The following SNX2 variants were observed in gnomAD, a reference collection of about 807,000 sequenced individuals.
SNX2 encodes sorting nexin 2, also known as sorting nexin-2.
SNX2 carries 25 observed loss-of-function variants against 69.9 expected under a neutral mutation model. The observed-to-expected ratio is 0.36, with a 90% CI of 0.26 to 0.50. The LOEUF is 0.50. Among genes scored for constraint, SNX2 ranks in the 20% least tolerant of loss-of-function variants. SNX2 has a pLI of 0.97. For synonymous variants in SNX2, 229 were observed against 200.4 expected, an observed-to-expected ratio of 1.14 and a Z score of -1.20; for missense variants, 551 against 613.3, an observed-to-expected ratio of 0.90 and a Z score of 1.07.
At chr5:122,807,499 G>C (rs564485664) in intron 6 of SNX2, among the ~76,000 whole-genome samples, 3 of 152,278 alleles carry the variant, frequency 2.0e-5, no homozygotes, top group African/African-American at 4.8e-5. Context: ...TCATGCAGTA[G>C]ATGATTTTTT....
At chr5:122,782,557 A>G (rs1753001255) in intron 1 of SNX2, among the ~76,000 whole-genome samples, 1 of 150,354 alleles carries the variant, frequency 6.7e-6, no homozygotes, top group Non-Finnish European at 1.5e-5. Context: ...TTTATTTGAG[A>G]TGGAGTCTCA....
chr5:122,799,845 C>G lies in SNX2; in HGVS notation c.380C>G (p.Ser127Cys). 3 of 1,609,616 alleles carry G rather than the reference C, an allele frequency of 1.9e-6. No homozygotes were observed. The highest frequency in any genetic ancestry group is 1.7e-6 in the Non-Finnish European group (2 of 1,177,482). The change falls in exon 3 of 15, where the codon TCC (serine) becomes TGC (cysteine). Residue 127 changes from serine to cysteine, a missense_variant. Around this residue, in one of 2 missense-constraint regions of SNX2, gnomAD observed 191 missense variants for 162.9 expected, o/e 1.17. Coordinates refer to ENST00000379516, the MANE Select transcript of SNX2 (RefSeq NM_003100.4). ...TCTGCTCCCGTGATCTTTGATAGATCCAGGGAAGAGGTACAGGAAAATGTA... is the reference window on the plus strand; with the variant it reads ...TCTGCTCCCGTGATCTTTGATAGATGCAGGGAAGAGGTACAGGAAAATGTA... ...SMSAPVIFDR[S>C]REEIEEEANG...
intron 1 of SNX2, among the ~76,000 whole-genome samples, chr5:122,794,079 GGC>G (rs1753313319): frequency 6.6e-6 from 1 of 151,946 alleles, no homozygotes; most frequent in Non-Finnish European, 1.5e-5. Context: ...GGGAGGCTGA[GGC>G]GGGTGGATCA....
intron 6 of SNX2, among the ~76,000 whole-genome samples, chr5:122,804,962 C>T (rs575729882): frequency 8.6e-5 from 13 of 151,600 alleles, no homozygotes; most frequent in South Asian, 2.1e-4. Context: ...TTTTTTGAGA[C>T]GGAGTCTCGC....
At chr5:122,809,763 T>G (rs1753728642) in intron 7 of SNX2, among the ~76,000 whole-genome samples, 1 of 152,184 alleles carries the variant, frequency 6.6e-6, no homozygotes, top group Non-Finnish European at 1.5e-5. Context: ...TTGTTTAAAT[T>G]TCAAGAAAAA....
In SNX2 at chr5:122,830,744, C is replaced by T. The variant is rs1754267103; in HGVS notation, c.*1096C>T. Among the ~76,000 whole-genome samples, 1 of 152,030 alleles carries T rather than the reference C, an allele frequency of 6.6e-6. No homozygotes were observed. The highest frequency in any genetic ancestry group is 1.5e-5 in the Non-Finnish European group (1 of 68,008). On this transcript the variant is annotated 3_prime_UTR_variant, in exon 15 of 15. Coordinates refer to ENST00000379516, the MANE Select transcript of SNX2 (RefSeq NM_003100.4). ...TAAGTCATGGCTGGGTGTGGTGGCT[C>T]ACGCCTGTAATCCTAGCACTTTGGG...
intron 1 of SNX2, among the ~76,000 whole-genome samples, chr5:122,794,518 C>T (rs1384908358): frequency 6.6e-6 from 1 of 152,106 alleles, no homozygotes; most frequent in Non-Finnish European, 1.5e-5. Context: ...TGTTGAGTCA[C>T]GTGGAATTTT....
chr5:122,827,427 A>G lies in SNX2; in HGVS notation c.1405A>G (p.Lys469Glu). 3.7e-6 allele frequency: 6 copies of G among 1,613,506 alleles called. No homozygotes were observed. Among genetic ancestry groups the G allele is most frequent in the South Asian group, 1.1e-5 (1 of 91,046 alleles). Residue 469 changes from lysine to glutamate, a missense_variant, in exon 13 of 15, where the codon AAA (lysine) becomes GAA (glutamate). By Grantham distance (56) the Lys-to-Glu change is moderately conservative (BLOSUM62 1). Coordinates refer to ENST00000379516, the MANE Select transcript of SNX2 (RefSeq NM_003100.4). ...GGAAAGAGATTTTGAACAGATATCT[A>G]AAACGATTCGAAAAGAAGTGGGAAG... Reference protein sequence around the residue: ...QGERDFEQISKTIRKEVGRFE... With the variant: ...QGERDFEQISETIRKEVGRFE...
intron 7 of SNX2, among the ~76,000 whole-genome samples, chr5:122,809,937 G>T (rs1753731749): frequency 6.6e-6 from 1 of 152,134 alleles, no homozygotes; most frequent in South Asian, 2.1e-4. Flanking sequence ...CATTTGAATT[G>T]ATTTTATTGT....
At chr5:122,779,331 C>T (rs1397091914) in intron 1 of SNX2, among the ~76,000 whole-genome samples, 1 of 152,184 alleles carries the variant, frequency 6.6e-6, no homozygotes, top group Non-Finnish European at 1.5e-5. Context: ...CCCTCATCCC[C>T]TCTGCCCTCA....
chr5:122,829,942 C>T lies in SNX2; in HGVS notation c.*294C>T, dbSNP rs1581651344. ...AATACTTGCACTAAATAGTGCACTG[C>T]AAGACCAGAAAATTTTACAATATTT... On this transcript the variant is annotated 3_prime_UTR_variant, in exon 15 of 15. Coordinates refer to ENST00000379516, the MANE Select transcript of SNX2 (RefSeq NM_003100.4). 1 of 351,384 alleles carries T rather than the reference C, an allele frequency of 2.8e-6. No homozygotes were observed. The highest frequency in any genetic ancestry group is 5.2e-6 in the Non-Finnish European group (1 of 190,568). 21.8% of individuals were successfully genotyped at this position (351,384 alleles called of 1,614,324 possible).
chr5:122,827,640 A>G lies in SNX2; in HGVS notation c.1503A>G (p.Gln501=), dbSNP rs2150018799. The part of the protein sequence containing the change: ...IKYLESLVQT[Q]QQLIKYWEAF... ...ACTTAGAATCACTAGTTCAAACACAACAACAGGTAAGCCATTTTTGTTTAT... is the reference window on the plus strand; with the variant it reads ...ACTTAGAATCACTAGTTCAAACACAGCAACAGGTAAGCCATTTTTGTTTAT... Residue 501 remains glutamine, a synonymous_variant, in exon 14 of 15, where the codon CAA becomes CAG. Transcript: ENST00000379516. The G allele has an allele frequency of 1.9e-6, 3 of 1,609,392 alleles. No homozygotes were observed. Among genetic ancestry groups the G allele is most frequent in the Non-Finnish European group, 2.5e-6 (3 of 1,176,610 alleles).
At chr5:122,789,471 AC>A (rs1753174750) in intron 1 of SNX2, among the ~76,000 whole-genome samples, 19 of 70,764 alleles carry the variant, frequency 2.7e-4, no homozygotes, top group Admixed American at 2.1e-3. Flanking sequence ...ACAGACACAC[AC>A]GGACACACAC....
At chr5:122,806,142 G>GCGCACGCGCGCGCGCACACACA in intron 6 of SNX2, among the ~76,000 whole-genome samples, 6 of 130,584 alleles carry the variant, frequency 4.6e-5, no homozygotes, top group Non-Finnish European at 8.2e-5. Context: ...ACACGCGCGC[G>GCGCACGCGCGCGCGCACACACA]CACACACACA....
At chr5:122,799,299 C>T (rs1753457193) in intron 2 of SNX2, among the ~76,000 whole-genome samples, 1 of 152,016 alleles carries the variant, frequency 6.6e-6, no homozygotes, top group African/African-American at 2.4e-5. Flanking sequence ...AGACTTCCAC[C>T]ATAAAATTTG....
intron 7 of SNX2, 158 bp from the exon 8 acceptor site, chr5:122,815,738 T>C: frequency 2.4e-6 from 1 of 411,812 alleles, no homozygotes; most frequent in Non-Finnish European, 4.4e-6. Flanking sequence ...TTTTTAATTA[T>C]TAAATTGCTG....
At chr5:122,819,092 T>C (rs1220770759) in intron 11 of SNX2, 69 bp downstream of exon 11, 40 of 1,258,610 alleles carry the variant, frequency 3.2e-5, no homozygotes, top group Non-Finnish European at 3.8e-5. Flanking sequence ...TCCTATTAAT[T>C]ATGTATTTAC....
rs1754313427 is a variant in SNX2 at position 122,832,421 on chromosome 5, C to T, written c.*2773C>T. ...AGACAAAATGTGTGTAAAAATATGC[C>T]TAACACATAGATTTCCTTGATTGTA... On this transcript the variant is annotated 3_prime_UTR_variant, in exon 15 of 15. Coordinates refer to ENST00000379516, the MANE Select transcript of SNX2 (RefSeq NM_003100.4). 6.6e-6 allele frequency: 1 copy of T among 152,118 alleles called. No individual in the cohort carries two copies. The highest frequency in any genetic ancestry group is 2.4e-5 in the African/African-American group (1 of 41,428). 9.4% of individuals were successfully genotyped at this position (152,118 alleles called of 1,614,324 possible). A position where few individuals can be genotyped will look rare whatever the true frequency, so the allele number is the denominator to read the frequency against.
At chr5:122,787,228 C>T (rs1162553591) in intron 1 of SNX2, among the ~76,000 whole-genome samples, 1 of 152,108 alleles carries the variant, frequency 6.6e-6, no homozygotes, top group African/African-American at 2.4e-5. Context: ...TAAAGATTAA[C>T]AGCTCCCTTG....
Sources: gnomAD v4.1 joint callset for allele counts (sites outside exome capture counted in the v4.1 genomes callset) on GRCh38, gnomAD v4.1.1 for gene constraint, gnomAD v4.1.1 regional missense constraint, MANE v1.5 for transcripts, NCBI Gene and HGNC (gene_info 2026-07-23, HGNC 2026-07-21) for gene names.